Variants in UBE3D observed in about 807,000 individuals in gnomAD.
The protein encoded by UBE3D is E3 ubiquitin-protein ligase E3D.
In UBE3D, 48 loss-of-function variants were observed where a neutral mutation model predicts 49.6. The ratio of observed to expected loss-of-function variants is 0.97; its 90% confidence interval spans 0.77 to 1.23. The LOEUF (loss-of-function observed/expected upper bound fraction) is 1.23, where lower values mean the gene tolerates loss of function less well. Among genes scored for constraint, UBE3D ranks in the 50% most tolerant of loss-of-function variants. The pLI, the probability that UBE3D is intolerant of heterozygous loss-of-function variation, is 0.00. For synonymous variants in UBE3D, 189 were observed against 174.2 expected (o/e 1.08, Z -0.67); for missense variants, 452 against 468.4 (o/e 0.96, Z 0.32).
intron 2 of UBE3D, among the ~76,000 whole-genome samples, chr6:83,055,883 C>T (rs1783786087): frequency 6.6e-6 from 1 of 152,212 alleles, no homozygotes; most frequent in African/African-American, 2.4e-5. Context: ...CAGTACATAT[C>T]TATTCATATT....
intron 4 of UBE3D, among the ~76,000 whole-genome samples, chr6:83,040,660 C>A (rs1782609275): frequency 6.6e-6 from 1 of 152,216 alleles, no homozygotes. Context: ...GATTCTGCAG[C>A]CTTCCTCAAA....
chr6:83,027,175 C>A (rs571616595), intron 5 of UBE3D, among the ~76,000 whole-genome samples: 1 of 151,838 alleles, frequency 6.6e-6, no homozygotes, highest in Non-Finnish European at 1.5e-5. Flanking sequence ...CAGTGGCTCA[C>A]GCCTGTAATC....
chr6:83,059,312 C>T (rs1175170292), intron 1 of UBE3D, among the ~76,000 whole-genome samples: 1 of 152,126 alleles, frequency 6.6e-6, no homozygotes, highest in South Asian at 2.1e-4. Context: ...ATCACTTAAG[C>T]CCAGGAGGCT....
At chr6:83,015,933 C>T (rs1582645060) in intron 8 of UBE3D, among the ~76,000 whole-genome samples, 2 of 152,310 alleles carry the variant, frequency 1.3e-5, no homozygotes, top group East Asian at 3.9e-4. Flanking sequence ...TTGGAGTTTA[C>T]AAGCTCAGTG....
At chr6:82,887,389 G>GTTTTTTTT in the UBE3D span, among the ~76,000 whole-genome samples, 1 of 98,368 alleles carries the variant, frequency 1.0e-5, no homozygotes, top group Non-Finnish European at 1.9e-5. Flanking sequence ...GACAGTAACA[G>GTTTTTTTT]TTTTTTTTTT....
intron 8 of UBE3D, among the ~76,000 whole-genome samples, chr6:83,014,264 A>G (rs1383181844): frequency 6.6e-6 from 1 of 152,222 alleles, no homozygotes; most frequent in East Asian, 1.9e-4. Context: ...TGCATCTTTC[A>G]AGTCCTTGAT....
chr6:83,004,493 T>C (rs1284665441), intron 8 of UBE3D, among the ~76,000 whole-genome samples: 3 of 152,214 alleles, frequency 2.0e-5, no homozygotes, highest in African/African-American at 7.2e-5. Flanking sequence ...AGTTTAAGTA[T>C]ATCCCACACT....
At chr6:83,038,268 T>C in intron 5 of UBE3D, 148 bp downstream of exon 5, 1 of 610,188 alleles carries the variant, frequency 1.6e-6, no homozygotes. Flanking sequence ...GTATATTGGA[T>C]GGTATGTTAC....
chr6:83,012,200 A>G (rs1780386156), intron 8 of UBE3D, among the ~76,000 whole-genome samples: 1 of 152,126 alleles, frequency 6.6e-6, no homozygotes, highest in African/African-American at 2.4e-5. Context: ...CACGGATGGG[A>G]GTCTTGCAGA....
At chr6:82,985,336 T>G (rs867300601) in intron 8 of UBE3D, among the ~76,000 whole-genome samples, 2 of 152,126 alleles carry the variant, frequency 1.3e-5, no homozygotes, top group Middle Eastern at 6.8e-3. Context: ...CTTTTAGTAC[T>G]TATGTGGTTT....
At chr6:83,029,190 A>G (rs557588201) in intron 5 of UBE3D, among the ~76,000 whole-genome samples, 1 of 151,914 alleles carries the variant, frequency 6.6e-6, no homozygotes, top group Non-Finnish European at 1.5e-5. Context: ...TTTTGTATAA[A>G]TTTTTTTTCT....
At chr6:82,890,409 A>G (rs977415215), downstream of UBE3D, among the ~76,000 whole-genome samples, 12 of 152,188 alleles carry the variant, frequency 7.9e-5, no homozygotes, top group African/African-American at 2.9e-4. Context: ...ACTCACTTTG[A>G]GCACGGGCAT....
intron 9 of UBE3D, among the ~76,000 whole-genome samples, chr6:82,904,322 C>G (rs2127719855): frequency 6.6e-6 from 1 of 152,288 alleles, no homozygotes; most frequent in Middle Eastern, 3.4e-3. Flanking sequence ...AAGAACCTAT[C>G]AACCACGTTA....
chr6:82,943,982 CAGTCA>C (rs1775215134), intron 9 of UBE3D, among the ~76,000 whole-genome samples: 1 of 152,030 alleles, frequency 6.6e-6, no homozygotes, highest in African/African-American at 2.4e-5. Flanking sequence ...AACTTGAGTT[CAGTCA>C]AGCTTTGTTA....
intron 9 of UBE3D, among the ~76,000 whole-genome samples, chr6:82,910,252 CACA>C (rs1772403825): frequency 1.3e-5 from 2 of 152,136 alleles, no homozygotes; most frequent in African/African-American, 4.8e-5. Flanking sequence ...CATGTGGAAG[CACA>C]ACATCTTATC....
intron 9 of UBE3D, among the ~76,000 whole-genome samples, chr6:82,908,373 C>T (rs1003324701): frequency 1.3e-5 from 2 of 151,892 alleles, no homozygotes; most frequent in Non-Finnish European, 2.9e-5. Flanking sequence ...GGCAGAGGCC[C>T]GGGATGAACA....
chr6:83,025,129 T>G (rs1009332476), intron 5 of UBE3D, among the ~76,000 whole-genome samples: 1 of 152,202 alleles, frequency 6.6e-6, no homozygotes, highest in African/African-American at 2.4e-5. Flanking sequence ...TTGCCTTGCT[T>G]TCTGTCCATT....
intron 9 of UBE3D, among the ~76,000 whole-genome samples, chr6:82,939,313 T>C (rs1774830312): frequency 6.6e-6 from 1 of 152,240 alleles, no homozygotes; most frequent in Admixed American, 6.5e-5. Context: ...TTTAAGATTC[T>C]ATATTTTTAG....
At chr6:82,949,021 CA>C (rs1435911848) in intron 9 of UBE3D, among the ~76,000 whole-genome samples, 1 of 151,904 alleles carries the variant, frequency 6.6e-6, no homozygotes, top group Non-Finnish European at 1.5e-5. Flanking sequence ...CTAGCTATAG[CA>C]ATCAGACAAG....
Sources: allele counts gnomAD v4.1 joint callset (sites outside exome capture counted in the v4.1 genomes callset), GRCh38; gene constraint gnomAD v4.1.1; transcripts MANE v1.5; gene names NCBI Gene and HGNC (gene_info 2026-07-23, HGNC 2026-07-21).